Variants in ZNF438 observed in about 807,000 individuals in gnomAD.
The protein encoded by ZNF438 is zinc finger protein 438.
In ZNF438, 25 loss-of-function variants were observed where a neutral mutation model predicts 38.0. The ratio of observed to expected loss-of-function variants is 0.66; its 90% confidence interval spans 0.48 to 0.92. The LOEUF (loss-of-function observed/expected upper bound fraction) is 0.92. Among genes scored for constraint, ZNF438 ranks in the 40% least tolerant of loss-of-function variants. The pLI is 0.00. For missense variants in ZNF438, 1,007 were observed against 999.6 expected, an observed-to-expected ratio of 1.01 and a Z score of -0.10; for synonymous variants, 372 against 364.1, an observed-to-expected ratio of 1.02 and a Z score of -0.25.
At chr10:30,994,951 A>AAGCCTGCAGTGAGGTAG (rs1231412275) in intron 1 of ZNF438, among the ~76,000 whole-genome samples, 1 of 151,980 alleles carries the variant, frequency 6.6e-6, no homozygotes, top group Non-Finnish European at 1.5e-5. Context: ...AGGACTGCTT[A>AAGCCTGCAGTGAGGTAG]AGCCTGCAGT....
At chr10:30,953,978 C>G (rs1031379859) in intron 1 of ZNF438, among the ~76,000 whole-genome samples, 1 of 152,072 alleles carries the variant, frequency 6.6e-6, no homozygotes, top group African/African-American at 2.4e-5. Flanking sequence ...CCCTTCTCTA[C>G]TGAAAATACA....
chr10:31,031,973 C>CCGAGCTCCACGCCCT (rs1244918965), upstream of ZNF438: 5 of 152,126 alleles, frequency 3.3e-5, no homozygotes, highest in East Asian at 2.0e-4. Context: ...AGACACGCCC[C>CCGAGCTCCACGCCCT]CGAGCTCCAC....
rs2037961489 is a variant in ZNF438, at chr10:30,874,108, GTGTGTGTATATA to G, written c.37+2878_37+2889del. ...ATTACGTGTGGGTGTGTGGGGGTGT[GTGTGTGTATATA>G]TATATATATATATATATATATATAT... On this transcript the variant is annotated intron_variant, in intron 4 of 5. Coordinates refer to ENST00000413025, the Ensembl canonical transcript of ZNF438. 1.5e-3 allele frequency among the ~76,000 whole-genome samples: 161 copies of G among 108,236 alleles called. 2 individuals are homozygous for G. Among genetic ancestry groups the G allele is most frequent in the African/African-American group, 5.9e-3 (149 of 25,422 alleles). The allele number at this position is 108,236 out of a possible 152,430, so 71.0% of individuals were successfully genotyped here.
At chr10:30,887,381 C>CTT (rs751482193) in intron 3 of ZNF438, among the ~76,000 whole-genome samples, 1 of 151,408 alleles carries the variant, frequency 6.6e-6, no homozygotes, top group African/African-American at 2.4e-5. Flanking sequence ...GTAATAAACT[C>CTT]TTTTTTTTTG....
At chr10:30,901,987 T>C (rs2042051926) in intron 3 of ZNF438, among the ~76,000 whole-genome samples, 1 of 151,380 alleles carries the variant, frequency 6.6e-6, no homozygotes, top group Non-Finnish European at 1.5e-5. Flanking sequence ...GTTCGTGATC[T>C]GGCTGGCTTT....
intron 1 of ZNF438, among the ~76,000 whole-genome samples, chr10:30,993,126 A>G (rs555141037): frequency 6.6e-6 from 1 of 152,356 alleles, no homozygotes; most frequent in East Asian, 1.9e-4. Context: ...CTTGTTTAGG[A>G]AAGGAAACCA....
chr10:30,898,848 G>C (rs1815355478), intron 3 of ZNF438, among the ~76,000 whole-genome samples: 1 of 152,044 alleles, frequency 6.6e-6, no homozygotes. Context: ...GATTGCACCT[G>C]TATCAATAAG....
At chr10:30,958,684 ATCTCTCCCAATTCCCTTG>A (rs1476544167) in intron 1 of ZNF438, among the ~76,000 whole-genome samples, 1 of 146,788 alleles carries the variant, frequency 6.8e-6, no homozygotes, top group Non-Finnish European at 1.5e-5. Flanking sequence ...GTTTTCCATT[ATCTCTCCCAATTCCCTTG>A]AGTTCATATG....
intron 3 of ZNF438, among the ~76,000 whole-genome samples, chr10:30,894,772 C>A: frequency 6.6e-6 from 1 of 152,158 alleles, no homozygotes; most frequent in East Asian, 1.9e-4. Context: ...CTCAGAAAAC[C>A]ATTCAAGCAC....
At chr10:30,907,792 T>A (rs7084551) in intron 3 of ZNF438, among the ~76,000 whole-genome samples, 1 of 151,726 alleles carries the variant, frequency 6.6e-6, no homozygotes, top group South Asian at 2.1e-4. Context: ...CTTTTATTGA[T>A]TTTCTCTATT....
At chr10:30,990,681 G>A (rs536338646) in intron 1 of ZNF438, among the ~76,000 whole-genome samples, 4 of 128,520 alleles carry the variant, frequency 3.1e-5, no homozygotes, top group South Asian at 5.1e-4. Context: ...TCAGAGAAAC[G>A]TGTGGATCTA....
chr10:30,847,769 A>G (rs1378465994), intron 5 of ZNF438, among the ~76,000 whole-genome samples: 1 of 152,204 alleles, frequency 6.6e-6, no homozygotes, highest in Non-Finnish European at 1.5e-5. Context: ...CAGCCTTGCA[A>G]GGAGGTGGCA....
chr10:30,849,142 T>C (rs765895282), exon 5 of ZNF438: 2 of 1,613,840 alleles, frequency 1.2e-6, no homozygotes, highest in Non-Finnish European at 8.5e-7. Context: ...GGTCTCTGAA[T>C]TCTTGGGGAT....
At chr10:30,869,223 A>G (rs371558238) in intron 4 of ZNF438, among the ~76,000 whole-genome samples, 1 of 152,128 alleles carries the variant, frequency 6.6e-6, no homozygotes, top group Admixed American at 6.5e-5. Context: ...AAATACAAAA[A>G]ATTAGCCAGG....
At position 30,845,594 on chromosome 10, in the gene ZNF438, G is replaced by A. The variant is rs367610353; in HGVS notation, c.1875-21C>T. ...TTTCCCTGAAAAGGCCAATAATAAT[G>A]AAGATAAGATTTCATGGAAAAATGC... On this transcript the variant is annotated intron_variant, in intron 5 of 5. Coordinates refer to ENST00000413025, the Ensembl canonical transcript of ZNF438. The A allele has an allele frequency of 2.5e-6, 4 of 1,591,370 alleles. No homozygotes were observed. In the African/African-American group the frequency reaches 5.4e-5, roughly 22 times the overall value.
At chr10:30,860,451 A>C (rs2035385174) in intron 4 of ZNF438, among the ~76,000 whole-genome samples, 1 of 152,166 alleles carries the variant, frequency 6.6e-6, no homozygotes, top group South Asian at 2.1e-4. Flanking sequence ...TTCTCCAATT[A>C]ATCTGCTGAT....
At chr10:30,960,901 T>A (rs1055722803) in intron 1 of ZNF438, among the ~76,000 whole-genome samples, 1 of 146,608 alleles carries the variant, frequency 6.8e-6, no homozygotes. Flanking sequence ...TAGGATTGAC[T>A]GTAAAATTAA....
At position 30,890,027 on chromosome 10, in the gene ZNF438, T is replaced by C. The variant is rs180765802; in HGVS notation, c.-31-12962A>G. On this transcript the variant is annotated intron_variant, in intron 3 of 5. Transcript: ENST00000413025. ...AAAAACAGCATATTACATTACATGT[T>C]AATAAAGTTCTCCAGAATTCTTTAC... Among the ~76,000 whole-genome samples the C allele has an allele frequency of 7.6e-5, 11 of 145,610 alleles. No homozygotes were observed. In the East Asian group the frequency reaches 2.0e-3, roughly 27 times the overall value.
intron 1 of ZNF438, among the ~76,000 whole-genome samples, chr10:30,996,445 CA>C (rs1390526621): frequency 6.6e-6 from 1 of 151,766 alleles, no homozygotes; most frequent in African/African-American, 2.4e-5. Context: ...AAGAATCAGG[CA>C]AAATACATTT....
Sources: gnomAD v4.1 joint callset for allele counts (sites outside exome capture counted in the v4.1 genomes callset) on GRCh38, gnomAD v4.1.1 for gene constraint, MANE v1.5 for transcripts, NCBI Gene and HGNC (gene_info 2026-07-23, HGNC 2026-07-21) for gene names.